Variants in OPCML observed in about 807,000 individuals in gnomAD.
OPCML encodes the protein opioid binding protein/cell adhesion molecule like.
In OPCML, 13 loss-of-function variants were observed where a neutral mutation model predicts 37.8. That is an observed-to-expected ratio of 0.34 (90% CI 0.22 to 0.55). OPCML has a LOEUF of 0.55. Among genes scored for constraint, OPCML ranks in the 20% least tolerant of loss-of-function variants. OPCML has a pLI of 0.91. For synonymous variants in OPCML, 176 were observed against 168.8 expected (o/e 1.04, Z -0.33); for missense variants, 341 against 435.6 (o/e 0.78, Z 1.93).
chr11:132,891,238 TA>T (rs1439475971), intron 2 of OPCML, among the ~76,000 whole-genome samples: 1 of 152,170 alleles, frequency 6.6e-6, no homozygotes, highest in East Asian at 1.9e-4. Flanking sequence ...ACTTCACTGA[TA>T]ACTATTTTTA....
intron 1 of OPCML, among the ~76,000 whole-genome samples, chr11:133,199,963 GA>G (rs1231537000): frequency 2.0e-5 from 3 of 152,172 alleles, no homozygotes; most frequent in Non-Finnish European, 4.4e-5. Flanking sequence ...ACTGACTCGG[GA>G]GAGACTCCTG....
intron 1 of OPCML, among the ~76,000 whole-genome samples, chr11:133,381,991 C>T (rs1167945603): frequency 1.3e-5 from 2 of 152,304 alleles, no homozygotes; most frequent in Admixed American, 6.5e-5. Context: ...GGAGGGAGGC[C>T]GGAGCATCTC....
chr11:132,834,751 A>G (rs1940910256), intron 2 of OPCML, among the ~76,000 whole-genome samples: 1 of 152,146 alleles, frequency 6.6e-6, no homozygotes, highest in South Asian at 2.1e-4. Flanking sequence ...ACCTGCAAAG[A>G]CCGGATTTCC....
intron 1 of OPCML, among the ~76,000 whole-genome samples, chr11:132,972,261 T>C (rs1169932244): frequency 6.6e-6 from 1 of 152,170 alleles, no homozygotes; most frequent in African/African-American, 2.4e-5. Context: ...TTTCTAAAAA[T>C]TCAACCTGTT....
rs1308713844 is a variant in OPCML, at chr11:133,206,941, A to T, written c.62-263931T>A. Among the ~76,000 whole-genome samples, 1 of 151,960 alleles carries T rather than the reference A, an allele frequency of 6.6e-6. No homozygotes were observed. Among genetic ancestry groups the T allele is most frequent in the Non-Finnish European group, 1.5e-5 (1 of 68,022 alleles). On this transcript the variant is annotated intron_variant, in intron 1 of 7. Coordinates refer to ENST00000524381, the MANE Select transcript of OPCML (RefSeq NM_001012393.5). The surrounding 1 kb of genome is among the most constrained non-coding windows in gnomAD (Gnocchi z 4.7). ...GCGAGGCCCGGATCACGTAATCCAG[A>T]TGTTGCTCCTGAAATGCACTCACGT...
intron 1 of OPCML, among the ~76,000 whole-genome samples, chr11:133,496,487 G>A (rs924285420): frequency 2.6e-5 from 4 of 152,136 alleles, no homozygotes; most frequent in African/African-American, 9.7e-5. Flanking sequence ...GATTGCTTTT[G>A]ACAGTATGGT....
chr11:133,279,645 C>T (rs7108001), intron 1 of OPCML, among the ~76,000 whole-genome samples: 10 of 152,242 alleles, frequency 6.6e-5, no homozygotes, highest in Admixed American at 3.3e-4. Context: ...ACCCCATGCC[C>T]GGCTGCTGCT....
chr11:133,340,686 T>G (rs560564855), intron 1 of OPCML, among the ~76,000 whole-genome samples: 9 of 151,338 alleles, frequency 5.9e-5, no homozygotes, highest in Non-Finnish European at 1.2e-4. Context: ...CTTCTTTTTA[T>G]TAATAGCCAT....
chr11:132,971,277 T>A (rs751890441), intron 1 of OPCML, among the ~76,000 whole-genome samples: 1 of 152,196 alleles, frequency 6.6e-6, no homozygotes, highest in African/African-American at 2.4e-5. Context: ...AAATATTGAC[T>A]AAAATTTCCC....
chr11:132,863,660 T>G (rs1000911622), intron 2 of OPCML, among the ~76,000 whole-genome samples: 2 of 152,144 alleles, frequency 1.3e-5, no homozygotes, highest in Admixed American at 1.3e-4. Flanking sequence ...CCTTCCACCT[T>G]TCTGGGTTAA....
chr11:133,140,578 A>AG (rs71038521), intron 1 of OPCML, among the ~76,000 whole-genome samples: 4 of 84,924 alleles, frequency 4.7e-5, no homozygotes, highest in African/African-American at 1.1e-4. Context: ...AAGAAGAAGA[A>AG]AGAAGAAAAA....
chr11:133,107,727 T>C (rs1442128371), intron 1 of OPCML, among the ~76,000 whole-genome samples: 3 of 152,252 alleles, frequency 2.0e-5, no homozygotes, highest in Non-Finnish European at 4.4e-5. Flanking sequence ...TATGACTGCC[T>C]TGAAGTGCTT....
chr11:132,674,069 A>G (rs1942594621), intron 2 of OPCML, among the ~76,000 whole-genome samples: 1 of 152,202 alleles, frequency 6.6e-6, no homozygotes, highest in South Asian at 2.1e-4. Context: ...TGTTTAGATA[A>G]AGCAGACAAG....
In OPCML at chr11:133,004,918, C is replaced by T. The variant is rs1411385913; in HGVS notation, c.62-61908G>A. 4.1e-6 allele frequency: 4 copies of T among 985,282 alleles called. No homozygotes were observed. In the African/African-American group the frequency reaches 7.0e-5, roughly 17 times the overall value. The allele number at this position is 985,282 out of a possible 1,614,324, so 61.0% of individuals were successfully genotyped here. On this transcript the variant is annotated intron_variant, in intron 1 of 7. Transcript: ENST00000524381. ...ATCCCTCACTAGCTTCTGTGGACTT[C>T]TCCATTGCCTGCCCCTTCCCTCCAC...
chr11:132,991,574 C>T (rs1453867799), intron 1 of OPCML, among the ~76,000 whole-genome samples: 2 of 152,164 alleles, frequency 1.3e-5, no homozygotes, highest in East Asian at 3.8e-4. Flanking sequence ...CGGTGAAGAC[C>T]TATTTTTGCT....
intron 2 of OPCML, among the ~76,000 whole-genome samples, chr11:132,928,601 A>G (rs1044871722): frequency 1.3e-5 from 2 of 152,078 alleles, no homozygotes; most frequent in Non-Finnish European, 2.9e-5. Context: ...GAGCTTGAAC[A>G]ACACTACAGA....
At chr11:132,553,072 C>A (rs1360792573) in intron 3 of OPCML, among the ~76,000 whole-genome samples, 2 of 152,166 alleles carry the variant, frequency 1.3e-5, no homozygotes, top group Admixed American at 6.5e-5. Context: ...CCGAATTAAA[C>A]ACTATTCTTC....
At chr11:132,838,043 G>C (rs1941118368) in intron 2 of OPCML, among the ~76,000 whole-genome samples, 1 of 152,152 alleles carries the variant, frequency 6.6e-6, no homozygotes, top group Non-Finnish European at 1.5e-5. Flanking sequence ...ATTGCATACG[G>C]CCCACCTTGC....
At chr11:132,894,583 G>A (rs1425095216) in intron 2 of OPCML, among the ~76,000 whole-genome samples, 1 of 152,210 alleles carries the variant, frequency 6.6e-6, no homozygotes, top group Admixed American at 6.5e-5. Context: ...ATAGTGGGAT[G>A]TGTCTGTAAG....
Sources: gnomAD v4.1 joint callset for allele counts (sites outside exome capture counted in the v4.1 genomes callset) on GRCh38, gnomAD v4.1.1 for gene constraint, Gnocchi (gnomAD v3.1) non-coding constraint, MANE v1.5 for transcripts, NCBI Gene and HGNC (gene_info 2026-07-23, HGNC 2026-07-21) for gene names.